Variants in CFAP20DC observed in about 807,000 individuals in gnomAD.
CFAP20DC encodes the protein CFAP20 domain containing, also known as protein CFAP20DC.
A neutral mutation model predicts 101.7 loss-of-function variants in CFAP20DC; 84 were observed. The ratio of observed to expected loss-of-function variants is 0.83; its 90% confidence interval spans 0.69 to 0.99. CFAP20DC has a LOEUF of 0.99. CFAP20DC is among the 50% of genes least tolerant of loss of function. CFAP20DC has a pLI of 0.00. For missense variants in CFAP20DC, 1,007 were observed against 970.3 expected (o/e 1.04, Z -0.50); for synonymous variants, 359 against 351.2 (o/e 1.02, Z -0.25).
chr3:58,952,981 T>C (rs2090287540), intron 4 of CFAP20DC, among the ~76,000 whole-genome samples: 1 of 152,076 alleles, frequency 6.6e-6, no homozygotes, highest in Non-Finnish European at 1.5e-5. Flanking sequence ...ATGGAGAAGA[T>C]AGTAATAAAT....
chr3:58,961,481 G>A (rs1345778122), intron 4 of CFAP20DC, among the ~76,000 whole-genome samples: 3 of 152,132 alleles, frequency 2.0e-5, no homozygotes, highest in Admixed American at 2.0e-4. Flanking sequence ...TTGAACCCAG[G>A]AGGCAGAGGT....
intron 3 of CFAP20DC, chr3:58,734,407 T>C: frequency 2.7e-6 from 1 of 371,856 alleles, no homozygotes; most frequent in Non-Finnish European, 5.3e-6. Context: ...AACCTGAAAG[T>C]CCTCGGTCTG....
intron 4 of CFAP20DC, among the ~76,000 whole-genome samples, chr3:58,977,462 G>C (rs2092325915): frequency 6.6e-6 from 1 of 152,180 alleles, no homozygotes; most frequent in Non-Finnish European, 1.5e-5. Flanking sequence ...ATGAAACACA[G>C]AGTAACTTCT....
At chr3:58,780,810 G>A (rs2071759684) in intron 15 of CFAP20DC, among the ~76,000 whole-genome samples, 1 of 151,944 alleles carries the variant, frequency 6.6e-6, no homozygotes, top group Non-Finnish European at 1.5e-5. Context: ...TCTAAAGGGA[G>A]AGATAGACTC....
At chr3:58,720,337 T>C (rs1391121822) in intron 3 of CFAP20DC, among the ~76,000 whole-genome samples, 1 of 152,200 alleles carries the variant, frequency 6.6e-6, no homozygotes, top group Non-Finnish European at 1.5e-5. Flanking sequence ...ATCTCTCAAG[T>C]GGCTATAAAC....
chr3:58,765,858 C>G (rs1213428478), intron 15 of CFAP20DC, among the ~76,000 whole-genome samples: 1 of 152,122 alleles, frequency 6.6e-6, no homozygotes, highest in African/African-American at 2.4e-5. Context: ...GGCCAGAGAA[C>G]AGACTGGGGA....
chr3:59,033,172 C>T (rs552177412), intron 4 of CFAP20DC, among the ~76,000 whole-genome samples: 58 of 152,198 alleles, frequency 3.8e-4, no homozygotes, highest in East Asian at 1.5e-3. Context: ...AAAAGGATGT[C>T]CACACAAAAA....
chr3:58,975,354 A>G (rs975796147), intron 4 of CFAP20DC, among the ~76,000 whole-genome samples: 5 of 152,158 alleles, frequency 3.3e-5, no homozygotes, highest in African/African-American at 9.6e-5. Flanking sequence ...GGCAGCAACA[A>G]TCTGTCTAGC....
At chr3:58,951,022 G>A (rs1197374020) in intron 4 of CFAP20DC, among the ~76,000 whole-genome samples, 1 of 152,048 alleles carries the variant, frequency 6.6e-6, no homozygotes, top group Non-Finnish European at 1.5e-5. Context: ...CTGACAAAGG[G>A]CTAATATCCA....
At chr3:59,039,469 C>T (rs2094159289) in intron 4 of CFAP20DC, 88 bp downstream of exon 4, 3 of 735,552 alleles carry the variant, frequency 4.1e-6, no homozygotes, top group African/African-American at 1.8e-5. Flanking sequence ...CAAAAACTGT[C>T]ACTTGCAATT....
At chr3:58,865,634 T>G (rs576344150) in intron 11 of CFAP20DC, among the ~76,000 whole-genome samples, 1 of 152,346 alleles carries the variant, frequency 6.6e-6, no homozygotes, top group African/African-American at 2.4e-5. Flanking sequence ...TGGTGCTGGG[T>G]ACATGACAGT....
rs1435389482 is a variant in CFAP20DC, at chr3:58,874,365, C to T, written c.716-4056G>A. Reference sequence around the variant, plus strand: ...CACGCTGGTGCCCCATGCCATCCCTCCTCCAAAATGCAGCCAGAGAGGTTT... The same window carrying T: ...CACGCTGGTGCCCCATGCCATCCCTTCTCCAAAATGCAGCCAGAGAGGTTT... On this transcript the variant is annotated intron_variant, in intron 7 of 16. Coordinates refer to ENST00000482387, the MANE Select transcript of CFAP20DC (RefSeq NM_001394063.1). The surrounding 1 kb of genome is among the most constrained non-coding windows in gnomAD (Gnocchi z 5.1). Among the ~76,000 whole-genome samples the T allele has an allele frequency of 2.0e-5, 3 of 152,196 alleles. No homozygotes were observed. Among genetic ancestry groups the T allele is most frequent in the Admixed American group, 2.0e-4 (3 of 15,280 alleles).
intron 14 of CFAP20DC, among the ~76,000 whole-genome samples, chr3:58,807,263 T>A (rs1330852837): frequency 6.6e-6 from 1 of 152,166 alleles, no homozygotes; most frequent in African/African-American, 2.4e-5. Context: ...GACTGCCTCC[T>A]CAAGTGGGTC....
At chr3:59,048,191 A>C (rs1412753182) in intron 1 of CFAP20DC, among the ~76,000 whole-genome samples, 2 of 152,216 alleles carry the variant, frequency 1.3e-5, no homozygotes, top group East Asian at 1.9e-4. Context: ...AAAAATGAGA[A>C]TCCTATATGA....
chr3:58,933,528 C>G (rs1425113626), intron 5 of CFAP20DC, among the ~76,000 whole-genome samples: 1 of 152,176 alleles, frequency 6.6e-6, no homozygotes, highest in Non-Finnish European at 1.5e-5. Context: ...GGAAGTAAAG[C>G]TCTCCTCAGC....
intron 12 of CFAP20DC, chr3:58,862,724 T>C (rs943372181): frequency 1.0e-6 from 1 of 966,866 alleles, no homozygotes; most frequent in African/African-American, 1.8e-5. Context: ...TAGTTATTTC[T>C]ATAATTTCTA....
chr3:58,965,251 C>A (rs748936900), intron 4 of CFAP20DC, among the ~76,000 whole-genome samples: 11 of 152,204 alleles, frequency 7.2e-5, no homozygotes, highest in Middle Eastern at 3.4e-3. Flanking sequence ...GGGTTTCAAA[C>A]CTAGATTTTA....
At chr3:59,022,087 T>C (rs892161046) in intron 4 of CFAP20DC, among the ~76,000 whole-genome samples, 1 of 152,052 alleles carries the variant, frequency 6.6e-6, no homozygotes, top group African/African-American at 2.4e-5. Flanking sequence ...AAACCTGAGG[T>C]ATCATAACAG....
At chr3:58,848,090 T>C (rs62252888) in intron 13 of CFAP20DC, among the ~76,000 whole-genome samples, 2 of 142,868 alleles carry the variant, frequency 1.4e-5, no homozygotes, top group East Asian at 2.1e-4. Flanking sequence ...GTGGGTGCAG[T>C]GCACCAGCAT....
Sources: gnomAD v4.1 joint callset for allele counts (sites outside exome capture counted in the v4.1 genomes callset) on GRCh38, gnomAD v4.1.1 for gene constraint, Gnocchi (gnomAD v3.1) non-coding constraint, MANE v1.5 for transcripts, NCBI Gene and HGNC (gene_info 2026-07-23, HGNC 2026-07-21) for gene names.